Variants in BBS9 observed in about 807,000 individuals in gnomAD.
BBS9 encodes protein PTHB1.
In BBS9, 89 loss-of-function variants were observed where a neutral mutation model predicts 117.7. That is an observed-to-expected ratio of 0.76 (90% confidence interval 0.64 to 0.90). The LOEUF (loss-of-function observed/expected upper bound fraction) is 0.90. BBS9 is among the 40% of genes least tolerant of loss of function. The pLI is 0.00. For missense variants in BBS9, 982 were observed against 1,042.2 expected (o/e 0.94, Z 0.80); for synonymous variants, 379 against 370.9 (o/e 1.02, Z -0.25).
intron 21 of BBS9, among the ~76,000 whole-genome samples, chr7:33,630,350 T>A (rs1324391004): frequency 6.6e-6 from 1 of 150,672 alleles, no homozygotes; most frequent in Non-Finnish European, 1.5e-5. Context: ...CAAGTTCAAA[T>A]TTTTTTTTTC....
intron 19 of BBS9, among the ~76,000 whole-genome samples, chr7:33,410,949 C>T (rs971278463): frequency 2.1e-5 from 3 of 142,648 alleles, no homozygotes; most frequent in South Asian, 2.3e-4. Flanking sequence ...TTCATGTATC[C>T]GTCTAATATA....
chr7:33,506,028 A>C (rs1309103802), intron 20 of BBS9, among the ~76,000 whole-genome samples: 1 of 152,222 alleles, frequency 6.6e-6, no homozygotes, highest in East Asian at 1.9e-4. Context: ...TCTTAAATTT[A>C]AGTGTCACTT....
intron 17 of BBS9, among the ~76,000 whole-genome samples, chr7:33,374,075 A>G (rs969675671): frequency 1.3e-5 from 2 of 152,200 alleles, no homozygotes; most frequent in African/African-American, 4.8e-5. Flanking sequence ...GGAGAGACAA[A>G]CAGGTAAAGA....
chr7:33,513,264 A>G (rs1563282246), intron 20 of BBS9, among the ~76,000 whole-genome samples: 1 of 152,152 alleles, frequency 6.6e-6, no homozygotes, highest in Non-Finnish European at 1.5e-5. Flanking sequence ...TATTCTCTTT[A>G]AGAAGTAAAT....
intron 19 of BBS9, among the ~76,000 whole-genome samples, chr7:33,389,674 G>A (rs1232840169): frequency 2.4e-5 from 3 of 123,160 alleles, no homozygotes; most frequent in African/African-American, 9.8e-5. Context: ...GGGTGACAGA[G>A]CAAGACTCCA....
chr7:33,290,742 A>G (rs946278800), intron 9 of BBS9, among the ~76,000 whole-genome samples: 1 of 152,242 alleles, frequency 6.6e-6, no homozygotes, highest in Non-Finnish European at 1.5e-5. Flanking sequence ...GTGTTGGTAT[A>G]GAAATTTTTT....
intron 5 of BBS9, among the ~76,000 whole-genome samples, chr7:33,216,419 G>T (rs1789077379): frequency 6.6e-6 from 1 of 152,142 alleles, no homozygotes; most frequent in South Asian, 2.1e-4. Context: ...GGATTAGTGT[G>T]TCTGCACAAA....
chr7:33,605,708 G>A lies in BBS9; in HGVS notation c.*482G>A, dbSNP rs1864491342. ...ATTATTTCTTCAAAGGAAAGGAAAGGAATTGAAGACTTTGCTACTCTCTGG... is the reference window on the plus strand; with the variant it reads ...ATTATTTCTTCAAAGGAAAGGAAAGAAATTGAAGACTTTGCTACTCTCTGG... On this transcript the variant is annotated 3_prime_UTR_variant, in exon 23 of 23. Transcript: ENST00000242067. 2 of 171,554 alleles carry A rather than the reference G, an allele frequency of 1.2e-5. No individual in the cohort carries two copies. The highest frequency in any genetic ancestry group is 1.1e-4 in the Admixed American group (2 of 18,166). 10.6% of individuals were successfully genotyped at this position (171,554 alleles called of 1,614,324 possible).
At position 33,183,194 on chromosome 7, in the gene BBS9, CT is replaced by C. The variant is rs370338569; in HGVS notation, c.442+5610del. Among the ~76,000 whole-genome samples the C allele has an allele frequency of 3.2e-4, 49 of 152,186 alleles. No individual in the cohort carries two copies. The South Asian group carries it at 7.0e-3, about 22-fold the overall frequency. On this transcript the variant is annotated intron_variant, in intron 5 of 22. Transcript: ENST00000242067. ...AGGGTTCCACGAGGGAAACAGATGT[CT>C]TTTTTTCCCCCCAAAATGGAGTCTG...
intron 21 of BBS9, among the ~76,000 whole-genome samples, chr7:33,545,483 G>A (rs1176718072): frequency 6.6e-6 from 1 of 152,114 alleles, no homozygotes; most frequent in Non-Finnish European, 1.5e-5. Context: ...TTCTGCAGTG[G>A]GGGTGTGTGT....
intron 1 of BBS9, among the ~76,000 whole-genome samples, chr7:33,144,808 A>G (rs56836900): frequency 0.2 from 30,101 of 152,136 alleles, 3,150 homozygotes; most frequent in Non-Finnish European, 0.23. Flanking sequence ...TTCAATAGAA[A>G]CCATACTTCA....
intron 20 of BBS9, among the ~76,000 whole-genome samples, chr7:33,509,120 A>G (rs963039046): frequency 6.6e-6 from 1 of 152,234 alleles, no homozygotes; most frequent in Non-Finnish European, 1.5e-5. Flanking sequence ...AACATTTGAT[A>G]AAAACATAAC....
intron 21 of BBS9, among the ~76,000 whole-genome samples, chr7:33,620,579 G>A (rs1865357535): frequency 1.3e-5 from 2 of 151,120 alleles, no homozygotes; most frequent in African/African-American, 2.4e-5. Flanking sequence ...AAGCATTGAT[G>A]AAAAAAAAGG....
intron 1 of BBS9, among the ~76,000 whole-genome samples, chr7:33,143,481 T>C (rs528920729): frequency 1.3e-5 from 2 of 152,298 alleles, no homozygotes; most frequent in Admixed American, 6.5e-5. Context: ...TGTTTTGATA[T>C]GCAAATCAAA....
At chr7:33,205,070 G>T (rs1410222660) in intron 5 of BBS9, among the ~76,000 whole-genome samples, 1 of 152,114 alleles carries the variant, frequency 6.6e-6, no homozygotes, top group Non-Finnish European at 1.5e-5. Flanking sequence ...TTTAGACATA[G>T]CCTACCTGTT....
chr7:33,225,608 T>C (rs1301545946), intron 5 of BBS9, among the ~76,000 whole-genome samples: 1 of 152,162 alleles, frequency 6.6e-6, no homozygotes, highest in African/African-American at 2.4e-5. Flanking sequence ...TTTGTTAGCT[T>C]TCTTGCTTCG....
intron 21 of BBS9, among the ~76,000 whole-genome samples, chr7:33,571,289 T>C (rs1421086476): frequency 6.6e-6 from 1 of 152,126 alleles, no homozygotes; most frequent in Non-Finnish European, 1.5e-5. Context: ...CTTTTGACTT[T>C]TATAATTTAG....
intron 20 of BBS9, among the ~76,000 whole-genome samples, chr7:33,524,586 G>C (rs1430876761): frequency 6.6e-6 from 1 of 152,000 alleles, no homozygotes; most frequent in Non-Finnish European, 1.5e-5. Flanking sequence ...CTGTGGGATC[G>C]GTGGTGATAT....
intron 19 of BBS9, among the ~76,000 whole-genome samples, chr7:33,500,673 T>C (rs997308790): frequency 6.6e-6 from 1 of 152,244 alleles, no homozygotes; most frequent in Non-Finnish European, 1.5e-5. Flanking sequence ...ACATGAAATA[T>C]GGAGGCAGAT....
Sources: allele counts gnomAD v4.1 joint callset (sites outside exome capture counted in the v4.1 genomes callset), GRCh38; gene constraint gnomAD v4.1.1; transcripts MANE v1.5; gene names NCBI Gene and HGNC (gene_info 2026-07-23, HGNC 2026-07-21).